PRKCB: variants seen among roughly 807,000 people sequenced by gnomAD.
PRKCB encodes protein kinase C beta.
PRKCB carries 13 observed loss-of-function variants against 81.5 expected under a neutral mutation model. The observed-to-expected ratio is 0.16, with a 90% CI of 0.10 to 0.25. The LOEUF is 0.25. PRKCB is among the 10% of genes least tolerant of loss of function. The probability of loss-of-function intolerance (pLI) is 1.00; values close to 1 mark genes in which losing one functional copy is unlikely to be tolerated. For synonymous variants in PRKCB, 335 were observed against 321.4 expected, an observed-to-expected ratio of 1.04 and a Z score of -0.45; for missense variants, 509 against 875.7, an observed-to-expected ratio of 0.58 and a Z score of 5.29.
At chr16:23,902,521 A>G (rs1963488948) in intron 2 of PRKCB, among the ~76,000 whole-genome samples, 1 of 152,062 alleles carries the variant, frequency 6.6e-6, no homozygotes, top group Non-Finnish European at 1.5e-5. Context: ...GCATCCTTTG[A>G]GGAATAAGCA....
At chr16:23,969,367 T>C (rs540262872) in intron 2 of PRKCB, among the ~76,000 whole-genome samples, 4 of 152,284 alleles carry the variant, frequency 2.6e-5, no homozygotes, top group East Asian at 1.9e-4. Flanking sequence ...TTAATGGCCT[T>C]GTACAGTATG....
At chr16:24,004,799 C>T (rs1965094693) in intron 3 of PRKCB, among the ~76,000 whole-genome samples, 1 of 152,088 alleles carries the variant, frequency 6.6e-6, no homozygotes, top group Admixed American at 6.6e-5. Context: ...CATTTTTGAC[C>T]TAAGAATTAC....
rs142023931 is a variant in PRKCB, at chr16:24,027,516, C to T, written c.289-4620C>T. Reference sequence around the variant, plus strand: ...ACGGCACCTCAATCTTTGAGCAGGACAGATGATTGCTGGGGTCCTTTTGTA... The same window carrying T: ...ACGGCACCTCAATCTTTGAGCAGGATAGATGATTGCTGGGGTCCTTTTGTA... On this transcript the variant is annotated intron_variant, in intron 3 of 16. Coordinates refer to ENST00000643927, the MANE Select transcript of PRKCB (RefSeq NM_002738.7). Among the ~76,000 whole-genome samples, 82 of 152,248 alleles carry T rather than the reference C, an allele frequency of 5.4e-4. 1 individual carries two copies. Among genetic ancestry groups the T allele is most frequent in the Middle Eastern group, 3.4e-3 (1 of 294 alleles).
At chr16:23,880,577 A>G (rs985240106) in intron 2 of PRKCB, among the ~76,000 whole-genome samples, 1 of 151,812 alleles carries the variant, frequency 6.6e-6, no homozygotes, top group Non-Finnish European at 1.5e-5. Flanking sequence ...TGTATTTTCT[A>G]TTTGTTACTG....
intron 3 of PRKCB, among the ~76,000 whole-genome samples, chr16:24,022,715 G>A (rs564639592): frequency 2.0e-5 from 3 of 152,124 alleles, no homozygotes; most frequent in African/African-American, 4.8e-5. Flanking sequence ...GGATGGTCTC[G>A]ATCTCCTGAC....
chr16:24,167,849 G>A (rs774937495), intron 10 of PRKCB, among the ~76,000 whole-genome samples: 11 of 152,194 alleles, frequency 7.2e-5, no homozygotes, highest in Non-Finnish European at 1.5e-4. Context: ...GAGACCACTG[G>A]CAAGTTACTT....
intron 3 of PRKCB, among the ~76,000 whole-genome samples, chr16:24,021,460 C>T (rs1376117841): frequency 6.7e-6 from 1 of 149,516 alleles, no homozygotes; most frequent in East Asian, 2.0e-4. Context: ...ATCTGCCTGT[C>T]TTTGATGCTG....
chr16:23,901,353 G>A (rs1963468884), intron 2 of PRKCB, among the ~76,000 whole-genome samples: 1 of 152,080 alleles, frequency 6.6e-6, no homozygotes, highest in African/African-American at 2.4e-5. Flanking sequence ...AAAAAAAATC[G>A]TTAACTCAAC....
chr16:23,950,064 A>T (rs533175540), intron 2 of PRKCB, among the ~76,000 whole-genome samples: 1 of 144,696 alleles, frequency 6.9e-6, no homozygotes, highest in East Asian at 2.3e-4. Context: ...CGTGGGGCGG[A>T]TGTGGCCTCC....
intron 2 of PRKCB, among the ~76,000 whole-genome samples, chr16:23,903,260 TGTGTG>T (rs994378035): frequency 4.5e-4 from 1 of 2,242 alleles, no homozygotes; most frequent in African/African-American, 1.1e-3. Context: ...GGAACTTAAG[TGTGTG>T]TGTGTGTGTG....
intron 2 of PRKCB, among the ~76,000 whole-genome samples, chr16:23,862,657 C>G (rs1436624578): frequency 6.6e-6 from 1 of 152,122 alleles, no homozygotes; most frequent in Non-Finnish European, 1.5e-5. Flanking sequence ...CTAGCTGAAG[C>G]TTGCTTGCCC....
chr16:24,110,597 G>T (rs1323492655), intron 7 of PRKCB, among the ~76,000 whole-genome samples: 1 of 145,920 alleles, frequency 6.9e-6, no homozygotes, highest in Non-Finnish European at 1.5e-5. Flanking sequence ...GCTCACTGCA[G>T]CCTTGACCTT....
intron 10 of PRKCB, among the ~76,000 whole-genome samples, chr16:24,172,023 G>A (rs2141965879): frequency 6.6e-6 from 1 of 152,288 alleles, no homozygotes. Flanking sequence ...GATTACAGCT[G>A]TGAGCCACCA....
At chr16:24,110,784 T>A (rs1966666737) in intron 7 of PRKCB, among the ~76,000 whole-genome samples, 1 of 152,148 alleles carries the variant, frequency 6.6e-6, no homozygotes. Context: ...CCTCTCTAAG[T>A]GCTAGGATGA....
intron 5 of PRKCB, among the ~76,000 whole-genome samples, chr16:24,041,870 G>C (rs1965701920): frequency 6.6e-6 from 1 of 151,670 alleles, no homozygotes; most frequent in South Asian, 2.1e-4. Context: ...TGTAATCCCA[G>C]CTACTCAGGA....
At chr16:23,987,725 G>A (rs1000691117) in intron 2 of PRKCB, among the ~76,000 whole-genome samples, 2 of 152,004 alleles carry the variant, frequency 1.3e-5, no homozygotes, top group African/African-American at 4.8e-5. Context: ...CATGGCACCC[G>A]TCCTCCAGAA....
intron 2 of PRKCB, among the ~76,000 whole-genome samples, chr16:23,912,581 A>C (rs1395352100): frequency 5.1e-5 from 6 of 118,580 alleles, no homozygotes; most frequent in Non-Finnish European, 4.8e-5. Context: ...GGCGTGATCT[A>C]GGCTCACTGC....
chr16:23,970,493 G>A (rs536586782), intron 2 of PRKCB, among the ~76,000 whole-genome samples: 86 of 152,306 alleles, frequency 5.6e-4, no homozygotes, highest in Non-Finnish European at 1.1e-3. Flanking sequence ...AATTGTGTGC[G>A]AAATGTGGGT....
At chr16:24,143,051 G>GTGTTGAGGT in intron 9 of PRKCB, among the ~76,000 whole-genome samples, 2 of 152,104 alleles carry the variant, frequency 1.3e-5, no homozygotes, top group South Asian at 4.2e-4. Flanking sequence ...ACACCTTACT[G>GTGTTGAGGT]ATGCTCTTCT....
Sources: allele counts gnomAD v4.1 joint callset (sites outside exome capture counted in the v4.1 genomes callset), GRCh38; gene constraint gnomAD v4.1.1; transcripts MANE v1.5; gene names NCBI Gene and HGNC (gene_info 2026-07-23, HGNC 2026-07-21).